The following MYH7 variants were observed in gnomAD, a reference collection of about 807,000 sequenced individuals.
MYH7 encodes the protein myosin-7.
A neutral mutation model predicts 225.4 loss-of-function variants in MYH7; 129 were observed. The ratio of observed to expected loss-of-function variants is 0.57; its 90% CI spans 0.50 to 0.66. The LOEUF (loss-of-function observed/expected upper bound fraction) is 0.66. MYH7 is among the 30% of genes least tolerant of loss of function. MYH7 has a pLI of 0.00. For missense variants in MYH7, 1,649 were observed against 2,517.0 expected (o/e 0.66, Z 7.38); for synonymous variants, 971 against 1,007.6 (o/e 0.96, Z 0.69).
chr14:23,420,831 C>T (rs114140320), intron 26 of MYH7, 127 bp downstream of exon 26: 36 of 740,666 alleles, frequency 4.9e-5, no homozygotes, highest in African/African-American at 1.9e-4. Context: ...GTGATAGCTG[C>T]GTGCCTGCCT....
chr14:23,414,171 G>C, intron 37 of MYH7, 69 bp from the exon 38 acceptor site: 1 of 1,387,034 alleles, frequency 7.2e-7, no homozygotes, highest in Non-Finnish European at 1.0e-6. Flanking sequence ...CCTCCGCCCT[G>C]CCCTGCTTCA....
rs374626788 is a variant in MYH7 at position 23,425,035 on chromosome 14, C to G, written c.2424-11G>C. ...ACCAGCAGGGAGTCTCTGCAGGGGC[C>G]CATTGAAAGGAGTGCTGAGCCTCCT... On this transcript the variant is annotated splice_polypyrimidine_tract_variant and intron_variant, in intron 21 of 39. Transcript: ENST00000355349. This position sits in a 1 kb window ranked among gnomAD's most constrained non-coding sequence, Gnocchi z 4.6. 2 of 1,614,136 alleles carry G rather than the reference C, an allele frequency of 1.2e-6. No homozygotes were observed. The highest frequency in any genetic ancestry group is 1.3e-5 in the African/African-American group (1 of 75,052).
At chr14:23,418,700 T>C (rs1415382456) in intron 29 of MYH7, among the ~76,000 whole-genome samples, 1 of 152,136 alleles carries the variant, frequency 6.6e-6, no homozygotes. Flanking sequence ...TCAGAAAGGT[T>C]AGGGGACTTC....
intron 24 of MYH7, 147 bp from the exon 25 acceptor site, chr14:23,422,472 G>T: frequency 9.8e-7 from 1 of 1,020,016 alleles, no homozygotes. Flanking sequence ...TTAGGGGACT[G>T]TGAGATTGCC....
intron 32 of MYH7, 64 bp from the exon 33 acceptor site, chr14:23,417,056 GC>G: frequency 1.2e-6 from 2 of 1,614,016 alleles, no homozygotes; most frequent in Non-Finnish European, 1.7e-6. Flanking sequence ...GGAGGGACAC[GC>G]CTCTTTGCCC....
At position 23,424,900 on chromosome 14, in the gene MYH7, C is replaced by T. The variant is rs1060499880; in HGVS notation, c.2548G>A (p.Ala850Thr). ...CGTGTGAACTCCTCCTTCATGGAGGCCATCTCCTTCTCTCTTTCTGCACTC... is the reference window on the plus strand; with the variant it reads ...CGTGTGAACTCCTCCTTCATGGAGGTCATCTCCTTCTCTCTTTCTGCACTC... ...LKSAEREKEM[A>T]SMKEEFTRLK... The change falls in exon 22 of 40, where the codon GCC becomes ACC. Residue 850 changes from alanine (A) to threonine (T), a missense_variant. Ala to Thr is a moderately conservative substitution (Grantham distance 58, BLOSUM62 0). Coordinates refer to ENST00000355349, the MANE Select transcript of MYH7 (RefSeq NM_000257.4). 2.5e-6 allele frequency: 4 copies of T among 1,614,204 alleles called. No homozygotes were observed. The highest frequency in any genetic ancestry group is 3.4e-6 in the Non-Finnish European group (4 of 1,180,046).
At chr14:23,424,501 G>T (rs572400504) in intron 22 of MYH7, among the ~76,000 whole-genome samples, 1 of 152,218 alleles carries the variant, frequency 6.6e-6, no homozygotes, top group Admixed American at 6.5e-5. Flanking sequence ...GCTCAAAGAT[G>T]ATGCATGGTC....
rs140380523 is a variant in MYH7, at chr14:23,426,035, A to G, written c.2091T>C (p.Gly697=). ...TGCAGATGCGGATGCCCTCCAGCAC[A>G]CCATTGCAGCGCAGCTGGTGCATGA... is the stretch of plus-strand genomic sequence containing the variant. ...PLVMHQLRCN[G]VLEGIRICRK... is the part of the protein sequence containing the mutation. The change falls in exon 19 of 40, where the codon GGT becomes GGC. Residue 697 remains glycine, a synonymous_variant. Transcript: ENST00000355349. 82 of 1,614,214 alleles carry G rather than the reference A, an allele frequency of 5.1e-5. 1 individual carries two copies. Among genetic ancestry groups the G allele is most frequent in the South Asian group, 3.4e-4 (31 of 91,086 alleles).
chr14:23,422,979 C>G (rs1892540977), intron 24 of MYH7, among the ~76,000 whole-genome samples: 1 of 152,240 alleles, frequency 6.6e-6, no homozygotes, highest in Admixed American at 6.5e-5. Context: ...GCATCAGGCT[C>G]TGTGCTAAGC....
intron 28 of MYH7, 75 bp downstream of exon 28, chr14:23,419,408 G>A (rs200234670): frequency 8.9e-6 from 14 of 1,581,146 alleles, no homozygotes; most frequent in Middle Eastern, 4.1e-4. Flanking sequence ...GTATTGGCTT[G>A]TGCCCGAGGC....
At position 23,419,686 on chromosome 14, in the gene MYH7, G is replaced by C. The variant is rs1222852696; in HGVS notation, c.3727-77C>G. The C allele has an allele frequency of 6.8e-6, 11 of 1,612,342 alleles. No individual in the cohort carries two copies. The Admixed American group carries it at 1.0e-4, about 15-fold the overall frequency. On this transcript the variant is annotated intron_variant, in intron 27 of 39. Coordinates refer to ENST00000355349, the MANE Select transcript of MYH7 (RefSeq NM_000257.4). ...AGGGGTGTAAGAGGTGCAACTGAAG[G>C]AGAAAAGAAGAGGGAAGGTGTGAAA...
At position 23,418,382 on chromosome 14, in the gene MYH7, G is replaced by C. The variant is rs940589674; in HGVS notation, c.3997C>G (p.Leu1333Val). Residue 1333 changes from leucine to valine, a missense_variant, in exon 30 of 40, where the codon CTG (leucine) becomes GTG (valine). Leu to Val is a conservative substitution (Grantham distance 32, BLOSUM62 1). Coordinates refer to ENST00000355349, the MANE Select transcript of MYH7 (RefSeq NM_000257.4). The stretch of plus-strand genomic sequence containing the variant: ...TCGCAGTCATGCCGGGCCGACTGCA[G>C]TGCGTGGGCCAGGGCGTTCTTCGCC... ...VKAKNALAHA[L>V]QSARHDCDLL... is the part of the protein sequence containing the mutation. 13 of 1,612,588 alleles carry C rather than the reference G, an allele frequency of 8.1e-6. No individual in the cohort carries two copies. The highest frequency in any genetic ancestry group is 3.3e-5 in the Admixed American group (2 of 59,990).
rs201032556 is a variant in MYH7, at chr14:23,424,024, C to T, written c.2805G>A (p.Glu935=). Residue 935 remains glutamate (E), a synonymous_variant, in exon 23 of 40, where the codon GAG becomes GAA. Coordinates refer to ENST00000355349, the MANE Select transcript of MYH7 (RefSeq NM_000257.4). The part of the protein sequence containing the change: ...RLEDEEEMNA[E]LTAKKRKLED... ...CCAGCTTGCGCTTCTTGGCAGTGAG[C>T]TCAGCATTCATCTCCTCCTCATCCT... 1.9e-6 allele frequency: 3 copies of T among 1,614,244 alleles called. No homozygotes were observed. Among genetic ancestry groups the T allele is most frequent in the Non-Finnish European group, 2.5e-6 (3 of 1,180,054 alleles).
intron 30 of MYH7, chr14:23,417,937 C>T (rs1892294188): frequency 3.5e-6 from 3 of 866,672 alleles, no homozygotes; most frequent in Non-Finnish European, 6.0e-6. Flanking sequence ...TTCTGCAGCC[C>T]TCCCCACTGC....
intron 24 of MYH7, among the ~76,000 whole-genome samples, chr14:23,423,109 T>A (rs1892544746): frequency 6.6e-6 from 1 of 152,204 alleles, no homozygotes; most frequent in Admixed American, 6.5e-5. Flanking sequence ...AACAGACATA[T>A]GTGCATCAGA....
chr14:23,429,195 C>A, intron 13 of MYH7, 34 bp downstream of exon 13: 2 of 1,613,810 alleles, frequency 1.2e-6, no homozygotes, highest in Non-Finnish European at 1.7e-6. Context: ...TCTCCCTACC[C>A]TGCCCACCCA....
chr14:23,413,629 C>T lies in MYH7; in HGVS notation c.5790+130G>A, dbSNP rs79675908. 1,548 of 1,253,352 alleles carry T rather than the reference C, an allele frequency of 1.2e-3. 17 individuals carry two copies. In the African/African-American group the frequency reaches 0.021, roughly 17 times the overall value. The allele number at this position is 1,253,352 out of a possible 1,614,324, so 77.6% of individuals were successfully genotyped here. On this transcript the variant is annotated intron_variant, in intron 39 of 39. Transcript: ENST00000355349. ...CTTGAAATCACAGAGAACTGCATTACCTTGGCCTCTGGGGCCATGTGGCTC... is the reference window on the plus strand; with the variant it reads ...CTTGAAATCACAGAGAACTGCATTATCTTGGCCTCTGGGGCCATGTGGCTC...
Position 23,432,685 on chromosome 14 carries a change from G to C in MYH7, c.456C>G (p.Pro152=), listed in dbSNP as rs554968385. 15 of 1,614,120 alleles carry C rather than the reference G, an allele frequency of 9.3e-6. No homozygotes were observed. In the Admixed American group the frequency reaches 1.3e-4, roughly 14 times the overall value. ...YRGKKRSEAP[P]HIFSISDNAY... The stretch of plus-strand genomic sequence containing the variant: ...CGTTGTCGGAGATGGAGAAGATGTG[G>C]GGCGGGGCCTCGCTCCTCTTCTTGC... The change falls in exon 5 of 40, where the codon CCC becomes CCG. Residue 152 remains proline, a synonymous_variant. Coordinates refer to ENST00000355349, the MANE Select transcript of MYH7 (RefSeq NM_000257.4).
At chr14:23,434,746 C>G (rs1893079452) in intron 1 of MYH7, among the ~76,000 whole-genome samples, 1 of 152,180 alleles carries the variant, frequency 6.6e-6, no homozygotes, top group East Asian at 1.9e-4. Flanking sequence ...AAAGAGACTT[C>G]TTTTCCATCC....
Sources: allele counts gnomAD v4.1 joint callset (sites outside exome capture counted in the v4.1 genomes callset), GRCh38; gene constraint gnomAD v4.1.1; non-coding constraint Gnocchi (gnomAD v3.1); transcripts MANE v1.5; gene names NCBI Gene and HGNC (gene_info 2026-07-23, HGNC 2026-07-21).